The following C7 variants were observed in gnomAD, a reference collection of about 807,000 sequenced individuals.
The protein encoded by C7 is complement component C7.
A neutral mutation model predicts 104.8 loss-of-function variants in C7; 83 were observed. The ratio of observed to expected loss-of-function variants is 0.79; its 90% CI spans 0.66 to 0.95. C7 has a LOEUF of 0.95. Ranked by LOEUF, C7 falls within the 40% of genes least tolerant of loss-of-function variation. C7 has a pLI of 0.00. For missense variants in C7, 1,070 were observed against 1,011.2 expected, an observed-to-expected ratio of 1.06 and a Z score of -0.79; for synonymous variants, 415 against 360.6, an observed-to-expected ratio of 1.15 and a Z score of -1.71.
intron 9 of C7, among the ~76,000 whole-genome samples, chr5:40,950,216 C>A: frequency 6.9e-6 from 1 of 145,222 alleles, no homozygotes; most frequent in East Asian, 2.0e-4. Flanking sequence ...TCTCCACTCT[C>A]CAAAATGCCC....
chr5:40,918,245 G>A (rs1016321589), intron 1 of C7, among the ~76,000 whole-genome samples: 1 of 151,804 alleles, frequency 6.6e-6, no homozygotes, highest in Non-Finnish European at 1.5e-5. Context: ...TGTGGTCCCA[G>A]CTACTCACAA....
intron 14 of C7, among the ~76,000 whole-genome samples, chr5:40,971,248 T>C (rs901853535): frequency 1.3e-5 from 2 of 152,228 alleles, no homozygotes; most frequent in African/African-American, 4.8e-5. Flanking sequence ...CCAGCATCTG[T>C]TCTTTCCAGA....
intron 15 of C7, among the ~76,000 whole-genome samples, chr5:40,974,386 C>T (rs1388457126): frequency 1.4e-5 from 2 of 139,320 alleles, no homozygotes; most frequent in Non-Finnish European, 3.1e-5. Flanking sequence ...GTAATTCTAT[C>T]GTTTTTTTTT....
rs534910808 is a variant in C7 at position 40,923,288 on chromosome 5, G to A, written c.7-5292G>A. On this transcript the variant is annotated intron_variant, in intron 1 of 17. Transcript: ENST00000313164. ...TGCTATAAAGAAATACCTGAGACTG[G>A]GTAATTTATAAATAAAAGAGGTTTA... Among the ~76,000 whole-genome samples the A allele has an allele frequency of 7.2e-5, 11 of 152,232 alleles. No homozygotes were observed. In the East Asian group the frequency reaches 1.9e-3, roughly 27 times the overall value.
intron 15 of C7, among the ~76,000 whole-genome samples, chr5:40,974,665 G>C (rs868302861): frequency 1.3e-5 from 2 of 152,030 alleles, no homozygotes; most frequent in African/African-American, 2.4e-5. Context: ...TGATCCGCCC[G>C]CCTCGGCCTC....
chr5:40,982,969 G>A lies in C7; in HGVS notation c.*1396G>A, dbSNP rs1001803810. On this transcript the variant is annotated 3_prime_UTR_variant, in exon 18 of 18. Transcript: ENST00000313164. ...TTCATTTGTATGATGTTTCATTTTAGAGAAGATTTTCATGATGAATGGTTA... is the reference window on the plus strand; with the variant it reads ...TTCATTTGTATGATGTTTCATTTTAAAGAAGATTTTCATGATGAATGGTTA... The A allele has an allele frequency of 6.6e-6, 1 of 152,324 alleles. No homozygotes were observed. The highest frequency in any genetic ancestry group is 1.5e-5 in the Non-Finnish European group (1 of 68,034). 9.4% of individuals were successfully genotyped at this position (152,324 alleles called of 1,614,324 possible). A position where few individuals can be genotyped will look rare whatever the true frequency, so the allele number is the denominator to read the frequency against.
rs1160316860 is a variant in C7, at chr5:40,945,945, AAT to A, written c.738+580_738+581del. On this transcript the variant is annotated intron_variant, in intron 7 of 17. Transcript: ENST00000313164. ...TTATAGTTTTAAACTTCTCATTAAAAATATTTGTTTTTATTTGAAGATGTTTA... is the reference window on the plus strand; with the variant it reads ...TTATAGTTTTAAACTTCTCATTAAAAATTTGTTTTTATTTGAAGATGTTTA... Among the ~76,000 whole-genome samples, 4 of 146,934 alleles carry A rather than the reference AAT, an allele frequency of 2.7e-5. No individual in the cohort carries two copies. The South Asian group carries it at 8.6e-4, about 32-fold the overall frequency.
rs12516590 is a variant in C7, at chr5:40,972,875, C to T, written c.2074+281C>T. ...CTTTATATCTGTTATGGTGCCAAGA[C>T]AATAAAGGATTTTTAAAATCTGTTT... On this transcript the variant is annotated intron_variant, in intron 15 of 17. Coordinates refer to ENST00000313164, the MANE Select transcript of C7 (RefSeq NM_000587.4). 2.7e-3 allele frequency among the ~76,000 whole-genome samples: 410 copies of T among 152,272 alleles called. 8 individuals carry two copies. Among genetic ancestry groups the T allele is most frequent in the Admixed American group, 0.025 (386 of 15,284 alleles).
chr5:40,963,181 G>T (rs941269684), intron 13 of C7, among the ~76,000 whole-genome samples: 1 of 152,180 alleles, frequency 6.6e-6, no homozygotes, highest in Non-Finnish European at 1.5e-5. Flanking sequence ...GGAGCCAGGA[G>T]TCCCAAATAT....
In C7 at chr5:40,947,027, A is replaced by C. The variant is rs184906345; in HGVS notation, c.739-575A>C. Among the ~76,000 whole-genome samples the C allele has an allele frequency of 5.9e-5, 9 of 151,382 alleles. No individual in the cohort carries two copies. In the East Asian group the frequency reaches 1.8e-3, roughly 29 times the overall value. ...TGAATTAATGCTTTGTTGATTTCATATTGAGAGAAGGGTCCTCACTATCTG... is the reference window on the plus strand; with the variant it reads ...TGAATTAATGCTTTGTTGATTTCATCTTGAGAGAAGGGTCCTCACTATCTG... On this transcript the variant is annotated intron_variant, in intron 7 of 17. Coordinates refer to ENST00000313164, the MANE Select transcript of C7 (RefSeq NM_000587.4).
rs35802990 is a variant in C7 at position 40,965,648 on chromosome 5, A to ATATATAT, written c.1882+776_1882+777insATATATT. Among the ~76,000 whole-genome samples the ATATATAT allele has an allele frequency of 5.1e-3, 670 of 130,286 alleles. 9 individuals carry two copies. Among genetic ancestry groups the ATATATAT allele is most frequent in the African/African-American group, 0.02 (626 of 31,394 alleles). 85.5% of individuals were successfully genotyped at this position (130,286 alleles called of 152,430 possible). A position where few individuals can be genotyped will look rare whatever the true frequency, so the allele number is the denominator to read the frequency against. On this transcript the variant is annotated intron_variant, in intron 14 of 17. Transcript: ENST00000313164. ...TAGTGATATATATATATATATATATATTTTTTTTTTGGAGACAGAGTCTCA... is the reference window on the plus strand; with the variant it reads ...TAGTGATATATATATATATATATATATATATATTTTTTTTTTTGGAGACAGAGTCTCA...
At chr5:40,956,418 AGT>A (rs891881808) in intron 10 of C7, among the ~76,000 whole-genome samples, 1 of 151,980 alleles carries the variant, frequency 6.6e-6, no homozygotes, top group African/African-American at 2.4e-5. Context: ...GGGGTGTGTG[AGT>A]GTGTGTGTGT....
At chr5:40,951,592 G>C (rs576222146) in intron 9 of C7, among the ~76,000 whole-genome samples, 1 of 152,278 alleles carries the variant, frequency 6.6e-6, no homozygotes, top group South Asian at 2.1e-4. Context: ...TAACAAACCT[G>C]AACATGTACC....
intron 5 of C7, among the ~76,000 whole-genome samples, chr5:40,936,720 GA>G (rs1257533515): frequency 3.9e-5 from 6 of 152,058 alleles, no homozygotes; most frequent in Admixed American, 1.3e-4. Flanking sequence ...TTTTAGCGCT[GA>G]AATTCTAATT....
At chr5:40,971,033 C>T (rs1160938835) in intron 14 of C7, among the ~76,000 whole-genome samples, 1 of 152,176 alleles carries the variant, frequency 6.6e-6, no homozygotes, top group African/African-American at 2.4e-5. Flanking sequence ...GTAAGTAGTG[C>T]TGCAATAAAC....
chr5:40,958,260 A>C lies in C7; in HGVS notation c.1488A>C (p.Ala496=). ...AAGGAGTCCTCGTAGGGAATCAAGC[A>C]GGTCAGTGGGGTGAATTTTCTCTAG... is the stretch of plus-strand genomic sequence containing the variant. ...CEQGVLVGNQ[A]GGVDGGWSCW... The change falls in exon 11 of 18, where the codon GCA becomes GCC. Residue 496 remains alanine (A), a splice_region_variant and synonymous_variant. Transcript: ENST00000313164. The C allele has an allele frequency of 6.3e-7, 1 of 1,584,506 alleles. No individual in the cohort carries two copies. Among genetic ancestry groups the C allele is most frequent in the Non-Finnish European group, 8.6e-7 (1 of 1,163,670 alleles).
intron 7 of C7, among the ~76,000 whole-genome samples, chr5:40,947,055 C>T (rs1160445918): frequency 6.6e-6 from 1 of 150,414 alleles, no homozygotes; most frequent in African/African-American, 2.4e-5. Context: ...ACTATCTGTC[C>T]AGATGTGGGA....
At chr5:40,977,962 C>A (rs1740853793) in intron 16 of C7, among the ~76,000 whole-genome samples, 1 of 151,836 alleles carries the variant, frequency 6.6e-6, no homozygotes, top group Non-Finnish European at 1.5e-5. Flanking sequence ...GGTGAAACCC[C>A]TTCTCTACAA....
chr5:40,942,398 A>G (rs1739959338), intron 6 of C7, among the ~76,000 whole-genome samples: 1 of 152,164 alleles, frequency 6.6e-6, no homozygotes, highest in Non-Finnish European at 1.5e-5. Context: ...TACAGAGAAG[A>G]GAGAGAAAAT....
Sources: gnomAD v4.1 joint callset for allele counts (sites outside exome capture counted in the v4.1 genomes callset) on GRCh38, gnomAD v4.1.1 for gene constraint, MANE v1.5 for transcripts, NCBI Gene and HGNC (gene_info 2026-07-23, HGNC 2026-07-21) for gene names.